The following ADRA1A variants were observed in gnomAD, a reference collection of about 807,000 sequenced individuals.
ADRA1A encodes adrenoceptor alpha 1A.
In ADRA1A, 31 loss-of-function variants were observed where a neutral mutation model predicts 29.6. The observed-to-expected ratio is 1.05, with a 90% CI of 0.79 to 1.41. ADRA1A has a LOEUF of 1.41. Among genes scored for constraint, ADRA1A ranks in the 40% most tolerant of loss-of-function variants. The pLI is 0.00. For synonymous variants in ADRA1A, 311 were observed against 254.3 expected (o/e 1.22, Z -2.12); for missense variants, 619 against 601.1 (o/e 1.03, Z -0.31).
intron 2 of ADRA1A, among the ~76,000 whole-genome samples, chr8:26,786,602 G>A (rs376828230): frequency 1.2e-4 from 18 of 151,940 alleles, no homozygotes; most frequent in African/African-American, 4.3e-4. Context: ...CTTCACTTCT[G>A]CTCTTCTCCT....
At chr8:26,849,484 C>G (rs1313105294) in intron 2 of ADRA1A, among the ~76,000 whole-genome samples, 1 of 152,176 alleles carries the variant, frequency 6.6e-6, no homozygotes, top group South Asian at 2.1e-4. Flanking sequence ...AGAGAAACAG[C>G]CTTTGCTGTG....
chr8:26,864,947 G>A lies in ADRA1A; in HGVS notation c.23C>T (p.Ala8Val). The stretch of plus-strand genomic sequence containing the variant: ...TTGGGTGCAGTTGGAGCTGTCGGAA[G>A]CATTTCCCGAGAGAAACACCATGGT... MVFLSGNASDSSNCTQPP... is the reference protein window; with the variant it reads MVFLSGNVSDSSNCTQPP... The change falls in exon 2 of 3, where the codon GCT becomes GTT. Residue 8 changes from alanine (A) to valine (V), a missense_variant. By Grantham distance (64) the Ala-to-Val change is moderately conservative. Coordinates refer to ENST00000380573, the MANE Select transcript of ADRA1A (RefSeq NM_000680.4). This position sits in a 1 kb window ranked among gnomAD's most constrained non-coding sequence, Gnocchi z 8.1. 1 of 1,609,046 alleles carries A rather than the reference G, an allele frequency of 6.2e-7. No homozygotes were observed. Among genetic ancestry groups the A allele is most frequent in the Non-Finnish European group, 8.5e-7 (1 of 1,178,808 alleles).
chr8:26,834,344 C>T (rs1811196873), intron 2 of ADRA1A, among the ~76,000 whole-genome samples: 1 of 152,048 alleles, frequency 6.6e-6, no homozygotes, highest in South Asian at 2.1e-4. Flanking sequence ...TTACTTAGAA[C>T]TAGACAAAAT....
At chr8:26,843,603 G>A (rs1444247588) in intron 2 of ADRA1A, among the ~76,000 whole-genome samples, 2 of 152,124 alleles carry the variant, frequency 1.3e-5, no homozygotes, top group Non-Finnish European at 2.9e-5. Flanking sequence ...TTTTTTGTCA[G>A]ATAAAATGAG....
intron 2 of ADRA1A, among the ~76,000 whole-genome samples, chr8:26,799,120 G>A (rs1808393267): frequency 6.6e-6 from 1 of 152,022 alleles, no homozygotes; most frequent in African/African-American, 2.4e-5. Context: ...TTCATTAATG[G>A]GGTCCAGTTA....
intron 2 of ADRA1A, among the ~76,000 whole-genome samples, chr8:26,807,384 A>G (rs1170975520): frequency 6.6e-6 from 1 of 152,262 alleles, no homozygotes; most frequent in Non-Finnish European, 1.5e-5. Context: ...AATCAAAGCA[A>G]TACAAATGTT....
intron 2 of ADRA1A, among the ~76,000 whole-genome samples, chr8:26,845,596 G>T (rs1335857140): frequency 6.6e-6 from 1 of 152,142 alleles, no homozygotes; most frequent in African/African-American, 2.4e-5. Context: ...ATACCTAAAA[G>T]AACTGAAAAC....
At chr8:26,756,372 A>G (rs1010074206), downstream of ADRA1A, 1 of 1,203,076 alleles carries the variant, frequency 8.3e-7, no homozygotes, top group African/African-American at 1.6e-5. Context: ...CTTATTGAAG[A>G]AACTGGGGTG....
At chr8:26,858,488 G>A (rs1180616864) in intron 2 of ADRA1A, among the ~76,000 whole-genome samples, 1 of 152,186 alleles carries the variant, frequency 6.6e-6, no homozygotes, top group Non-Finnish European at 1.5e-5. Flanking sequence ...ATGCTGGGCA[G>A]CTGACCTATA....
At chr8:26,786,947 A>G (rs775403324) in intron 2 of ADRA1A, among the ~76,000 whole-genome samples, 2 of 152,150 alleles carry the variant, frequency 1.3e-5, no homozygotes, top group Non-Finnish European at 2.9e-5. Flanking sequence ...TTTATAGAGC[A>G]CTCATTATGT....
Position 26,867,052 on chromosome 8 carries a change from G to T in ADRA1A, c.-803C>A. 1.0e-6 allele frequency: 1 copy of T among 985,338 alleles called. No homozygotes were observed. The highest frequency in any genetic ancestry group is 1.2e-6 in the Non-Finnish European group (1 of 829,952). The allele number at this position is 985,338 out of a possible 1,614,324, so 61.0% of individuals were successfully genotyped here. On this transcript the variant is annotated 5_prime_UTR_variant, in exon 1 of 3. Coordinates refer to ENST00000380573, the MANE Select transcript of ADRA1A (RefSeq NM_000680.4). ...GCGGAGAGGGGACCGTGTCTCCGAGGCACCAAATCCTTGTCCTTTTGCACC... is the reference window on the plus strand; with the variant it reads ...GCGGAGAGGGGACCGTGTCTCCGAGTCACCAAATCCTTGTCCTTTTGCACC...
intron 2 of ADRA1A, chr8:26,859,143 G>C (rs751963816): frequency 1.6e-5 from 21 of 1,289,912 alleles, no homozygotes; most frequent in African/African-American, 3.0e-5. Context: ...CTCTCCCGCA[G>C]CCTAGTGCAG....
chr8:26,789,867 G>A (rs550518328), intron 2 of ADRA1A, among the ~76,000 whole-genome samples: 5 of 151,984 alleles, frequency 3.3e-5, no homozygotes, highest in African/African-American at 9.7e-5. Context: ...AAAATATCAC[G>A]AATCATCAGG....
chr8:26,804,178 C>A (rs1218443118), intron 2 of ADRA1A, among the ~76,000 whole-genome samples: 1 of 151,906 alleles, frequency 6.6e-6, no homozygotes, highest in Non-Finnish European at 1.5e-5. Flanking sequence ...GCCTTGGCCC[C>A]CCAAAGTGGT....
Position 26,835,369 on chromosome 8 carries a change from G to T in ADRA1A, c.883+28718C>A, listed in dbSNP as rs191133157. On this transcript the variant is annotated intron_variant, in intron 2 of 2. Coordinates refer to ENST00000380573, the MANE Select transcript of ADRA1A (RefSeq NM_000680.4). ...TAGTGTATTAGTCTGTTCTCAAACT[G>T]CTAGAAGGACATACCCAAGACTGGG... Among the ~76,000 whole-genome samples the T allele has an allele frequency of 3.7e-4, 57 of 152,280 alleles. 1 individual carries two copies. The highest frequency in any genetic ancestry group is 1.5e-3 in the Admixed American group (23 of 15,296).
chr8:26,770,050 G>T lies in ADRA1A; in HGVS notation c.*99C>A. 1 of 1,486,768 alleles carries T rather than the reference G, an allele frequency of 6.7e-7. No individual in the cohort carries two copies. The highest frequency in any genetic ancestry group is 8.9e-7 in the Non-Finnish European group (1 of 1,119,664). The allele number at this position is 1,486,768 out of a possible 1,614,324, so 92.1% of individuals were successfully genotyped here. Reference sequence around the variant, plus strand: ...CCCATTCCCAGCAGGTCCCCTCTTTGATTGGTCCTGTCTTGTCCTCCAAGA... The same window carrying T: ...CCCATTCCCAGCAGGTCCCCTCTTTTATTGGTCCTGTCTTGTCCTCCAAGA... On this transcript the variant is annotated 3_prime_UTR_variant, in exon 3 of 3. Transcript: ENST00000380573.
intron 2 of ADRA1A, among the ~76,000 whole-genome samples, chr8:26,856,595 T>A (rs1482259399): frequency 6.6e-6 from 1 of 152,128 alleles, no homozygotes; most frequent in East Asian, 1.9e-4. Flanking sequence ...TCTTCGCACG[T>A]TCTCTTCCCT....
At chr8:26,777,680 A>T (rs1165919036) in intron 2 of ADRA1A, among the ~76,000 whole-genome samples, 2 of 152,182 alleles carry the variant, frequency 1.3e-5, no homozygotes, top group Non-Finnish European at 2.9e-5. Context: ...CTGGCAGAAA[A>T]CTTGAGTGGT....
chr8:26,752,089 G>A (rs949321356), downstream of ADRA1A, among the ~76,000 whole-genome samples: 3 of 151,774 alleles, frequency 2.0e-5, no homozygotes, highest in Non-Finnish European at 4.4e-5. Context: ...TTTTTTTCCA[G>A]AGAGCTCATT....
Sources: gnomAD v4.1 joint callset for allele counts (sites outside exome capture counted in the v4.1 genomes callset) on GRCh38, gnomAD v4.1.1 for gene constraint, Gnocchi (gnomAD v3.1) non-coding constraint, MANE v1.5 for transcripts, NCBI Gene and HGNC (gene_info 2026-07-23, HGNC 2026-07-21) for gene names.